The following CAMK2D variants were observed in gnomAD, a reference collection of about 807,000 sequenced individuals.
CAMK2D encodes calcium/calmodulin dependent protein kinase II delta, also known as calcium/calmodulin-dependent protein kinase type II subunit delta.
In CAMK2D, 37 loss-of-function variants were observed where a neutral mutation model predicts 84.0. The ratio of observed to expected loss-of-function variants is 0.44; its 90% CI spans 0.34 to 0.58. The LOEUF is 0.58. Ranked by LOEUF, CAMK2D falls within the 20% of genes least tolerant of loss-of-function variation. CAMK2D has a pLI of 0.02. For synonymous variants in CAMK2D, 202 were observed against 212.5 expected, an observed-to-expected ratio of 0.95 and a Z score of 0.43; for missense variants, 448 against 652.5, an observed-to-expected ratio of 0.69 and a Z score of 3.41.
chr4:113,464,980 C>T (rs1180394147), intron 17 of CAMK2D, among the ~76,000 whole-genome samples: 1 of 152,164 alleles, frequency 6.6e-6, no homozygotes, highest in Non-Finnish European at 1.5e-5. Context: ...TGTATATTTA[C>T]AAAGAAATCT....
chr4:113,747,512 T>C (rs1003755371), intron 2 of CAMK2D, among the ~76,000 whole-genome samples: 2 of 152,090 alleles, frequency 1.3e-5, no homozygotes, highest in African/African-American at 2.4e-5. Context: ...GTCAGTACCA[T>C]TTTTAGATAT....
intron 2 of CAMK2D, among the ~76,000 whole-genome samples, chr4:113,682,915 G>A (rs888394477): frequency 6.6e-6 from 1 of 152,134 alleles, no homozygotes; most frequent in Non-Finnish European, 1.5e-5. Flanking sequence ...TGCATTCACT[G>A]CTTTACTTAG....
At chr4:113,677,821 A>C (rs2099325066) in intron 2 of CAMK2D, among the ~76,000 whole-genome samples, 1 of 152,146 alleles carries the variant, frequency 6.6e-6, no homozygotes, top group African/African-American at 2.4e-5. Flanking sequence ...CAGAGGAAAA[A>C]AATGGCTTTT....
At chr4:113,605,825 G>A (rs148633220) in intron 4 of CAMK2D, among the ~76,000 whole-genome samples, 144 of 152,222 alleles carry the variant, frequency 9.5e-4, no homozygotes, top group African/African-American at 3.2e-3. Context: ...GATGGCACCT[G>A]CTTACTCTGG....
intron 14 of CAMK2D, 37 bp from the exon 15 acceptor site, chr4:113,503,014 A>G: frequency 6.9e-7 from 1 of 1,448,800 alleles, no homozygotes; most frequent in Non-Finnish European, 9.7e-7. Flanking sequence ...AACAGTTCGC[A>G]TTGGTAAGTA....
At chr4:113,655,840 A>T (rs1261962570) in intron 3 of CAMK2D, among the ~76,000 whole-genome samples, 1 of 151,932 alleles carries the variant, frequency 6.6e-6, no homozygotes, top group African/African-American at 2.4e-5. Flanking sequence ...AATTAAATGA[A>T]TTTTTTTCCT....
intron 2 of CAMK2D, among the ~76,000 whole-genome samples, chr4:113,757,193 C>A (rs1469834989): frequency 6.6e-6 from 1 of 152,020 alleles, no homozygotes; most frequent in African/African-American, 2.4e-5. Flanking sequence ...ATCAAGGCTG[C>A]CACTGGATTT....
intron 16 of CAMK2D, among the ~76,000 whole-genome samples, chr4:113,498,175 A>T (rs2097968837): frequency 1.3e-5 from 2 of 152,222 alleles, no homozygotes; most frequent in African/African-American, 4.8e-5. Flanking sequence ...ATTCTAAAGT[A>T]AAAATAAGAG....
At chr4:113,508,323 T>G in intron 13 of CAMK2D, 1 of 1,254,316 alleles carries the variant, frequency 8.0e-7, no homozygotes, top group Non-Finnish European at 1.1e-6. Flanking sequence ...ACCGGTTGAA[T>G]TTAGAGTATC....
intron 2 of CAMK2D, among the ~76,000 whole-genome samples, chr4:113,673,337 A>C (rs1296422819): frequency 6.6e-6 from 1 of 152,206 alleles, no homozygotes; most frequent in Non-Finnish European, 1.5e-5. Flanking sequence ...CTCCATTGTG[A>C]TCAGGCTATG....
intron 4 of CAMK2D, among the ~76,000 whole-genome samples, chr4:113,603,371 C>G (rs972929380): frequency 9.2e-6 from 1 of 108,202 alleles, no homozygotes; most frequent in Non-Finnish European, 1.8e-5. Flanking sequence ...CCTCCCCCCT[C>G]CCCCCACCCC....
intron 16 of CAMK2D, among the ~76,000 whole-genome samples, chr4:113,478,838 A>G (rs1316717329): frequency 2.0e-5 from 3 of 152,192 alleles, no homozygotes; most frequent in African/African-American, 7.2e-5. Context: ...TCCTAATTCA[A>G]ATTGTACAAT....
At chr4:113,456,667 T>C (rs1278088773) in intron 19 of CAMK2D, 1 of 152,436 alleles carries the variant, frequency 6.6e-6, no homozygotes, top group Admixed American at 6.5e-5. Flanking sequence ...CTGAAGTTGA[T>C]GATAAACTTT....
intron 4 of CAMK2D, among the ~76,000 whole-genome samples, chr4:113,578,979 T>C (rs550769344): frequency 4.2e-5 from 3 of 70,828 alleles, no homozygotes; most frequent in East Asian, 5.7e-4. Flanking sequence ...AAAAACTCCT[T>C]TCTTCAAAAA....
At chr4:113,459,312 G>A (rs1257129928) in intron 18 of CAMK2D, among the ~76,000 whole-genome samples, 1 of 152,012 alleles carries the variant, frequency 6.6e-6, no homozygotes, top group Non-Finnish European at 1.5e-5. Context: ...TCAATCTCCT[G>A]GGCTCAAAGT....
chr4:113,585,162 G>A (rs1416438353), intron 4 of CAMK2D, among the ~76,000 whole-genome samples: 1 of 152,042 alleles, frequency 6.6e-6, no homozygotes, highest in Non-Finnish European at 1.5e-5. Context: ...AGACAAAACA[G>A]GTTAACATAT....
chr4:113,745,633 T>G (rs946101690), intron 2 of CAMK2D, among the ~76,000 whole-genome samples: 3 of 152,238 alleles, frequency 2.0e-5, no homozygotes, highest in Non-Finnish European at 4.4e-5. Flanking sequence ...ATAGTAGATA[T>G]AGGCTGTCAC....
intron 2 of CAMK2D, among the ~76,000 whole-genome samples, chr4:113,662,027 A>G (rs1237547401): frequency 6.6e-6 from 1 of 152,170 alleles, no homozygotes; most frequent in Admixed American, 6.5e-5. Context: ...AAATAGTGGA[A>G]ATTGCACAAA....
At chr4:113,754,104 G>A (rs1190677663) in intron 2 of CAMK2D, 1 of 870,676 alleles carries the variant, frequency 1.1e-6, no homozygotes, top group Non-Finnish European at 1.4e-6. Flanking sequence ...ATAAAGATAT[G>A]TTTTACAGTT....
Sources: allele counts gnomAD v4.1 joint callset (sites outside exome capture counted in the v4.1 genomes callset), GRCh38; gene constraint gnomAD v4.1.1; transcripts MANE v1.5; gene names NCBI Gene and HGNC (gene_info 2026-07-23, HGNC 2026-07-21).